POF1B: variants seen among roughly 807,000 people sequenced by gnomAD.
The protein encoded by POF1B is POF1B actin binding protein, also known as protein POF1B.
POF1B carries 53 observed loss-of-function variants against 55.3 expected under a neutral mutation model. The observed-to-expected ratio is 0.96, with a 90% CI of 0.77 to 1.20. POF1B has a LOEUF of 1.20. Ranked by LOEUF, POF1B falls within the 50% of genes most tolerant of loss-of-function variation. The probability of loss-of-function intolerance (pLI) is 0.00; values close to 1 mark genes in which losing one functional copy is unlikely to be tolerated. For missense variants in POF1B, 478 were observed against 420.5 expected, an observed-to-expected ratio of 1.14 and a Z score of -1.20; for synonymous variants, 188 against 148.3, an observed-to-expected ratio of 1.27 and a Z score of -1.95.
rs180798168 is a variant in POF1B at position 85,355,334 on chromosome X, A to T, written c.439-3883T>A. ...AAGAAGGATTAAAGACTTACTTGTT[A>T]GACCTAAAACCATAAAAACCCTAGA... On this transcript the variant is annotated intron_variant, in intron 4 of 16. Transcript: ENST00000262753. 4.2e-4 allele frequency among the ~76,000 whole-genome samples: 47 copies of T among 112,298 alleles called. No individual in the cohort carries two copies. In the East Asian group the frequency reaches 9.5e-3, roughly 23 times the overall value.
intron 5 of POF1B, among the ~76,000 whole-genome samples, chrX:85,347,567 C>A (rs964162809): frequency 9.0e-6 from 1 of 110,816 alleles, no homozygotes; most frequent in Non-Finnish European, 1.9e-5. Flanking sequence ...CACTGTATAC[C>A]TTTTAATGCT....
At chrX:85,360,554 TATATAC>T (rs1933595032) in intron 3 of POF1B, among the ~76,000 whole-genome samples, 1 of 85,060 alleles carries the variant, frequency 1.2e-5, no homozygotes, top group Non-Finnish European at 2.0e-5. Flanking sequence ...TATATATATA[TATATAC>T]ATATATACAC....
intron 2 of POF1B, among the ~76,000 whole-genome samples, chrX:85,371,514 A>G (rs1408330976): frequency 9.0e-6 from 1 of 111,469 alleles, no homozygotes; most frequent in Non-Finnish European, 1.9e-5. Flanking sequence ...TGGAGATTAC[A>G]CAGCTAATGC....
In POF1B at chrX:85,297,372, C is replaced by G. The variant is rs6623256; in HGVS notation, c.1649+6034G>C. 2.6e-4 allele frequency among the ~76,000 whole-genome samples: 29 copies of G among 112,205 alleles called. No homozygotes were observed. The East Asian group carries it at 7.3e-3, about 28-fold the overall frequency. The stretch of plus-strand genomic sequence containing the variant: ...TGTGCTCCTTTGTGTTTTGGATTTG[C>G]TGTAATTTCTATGAGGCTTTTTGTT... On this transcript the variant is annotated intron_variant, in intron 15 of 16. Coordinates refer to ENST00000262753, the MANE Select transcript of POF1B (RefSeq NM_024921.4).
At chrX:85,348,722 A>G (rs950927267) in intron 5 of POF1B, among the ~76,000 whole-genome samples, 1 of 111,567 alleles carries the variant, frequency 9.0e-6, no homozygotes, top group Non-Finnish European at 1.9e-5. Context: ...GTGGGCATAA[A>G]CAAGTAAATA....
intron 6 of POF1B, among the ~76,000 whole-genome samples, chrX:85,331,447 A>T (rs1932977531): frequency 9.0e-6 from 1 of 111,556 alleles, no homozygotes; most frequent in African/African-American, 3.2e-5. Context: ...TTTTAAAATT[A>T]AAAATTAATT....
intron 9 of POF1B, among the ~76,000 whole-genome samples, chrX:85,312,174 G>C (rs1222631471): frequency 8.9e-6 from 1 of 111,835 alleles, no homozygotes; most frequent in East Asian, 2.8e-4. Context: ...AAGCTCTTTA[G>C]TTTAATTAGA....
chrX:85,315,076 G>A (rs191351427), intron 8 of POF1B, among the ~76,000 whole-genome samples: 1 of 111,194 alleles, frequency 9.0e-6, no homozygotes, highest in African/African-American at 3.2e-5. Flanking sequence ...AGGCAATTTA[G>A]GAATTACTGC....
intron 2 of POF1B, among the ~76,000 whole-genome samples, chrX:85,378,687 A>C (rs1002820240): frequency 1.8e-5 from 2 of 111,914 alleles, no homozygotes; most frequent in African/African-American, 3.2e-5. Flanking sequence ...AGACATCTGC[A>C]CCTCTCACTT....
chrX:85,371,114 T>C (rs1205325634), intron 2 of POF1B, among the ~76,000 whole-genome samples: 1 of 111,469 alleles, frequency 9.0e-6, no homozygotes, highest in East Asian at 2.8e-4. Context: ...CCATTTATAC[T>C]ACTAGCCACT....
Position 85,354,017 on chromosome X carries a change from G to C in POF1B, c.439-2566C>G, listed in dbSNP as rs192894844. Among the ~76,000 whole-genome samples, 49 of 110,543 alleles carry C rather than the reference G, an allele frequency of 4.4e-4. 2 individuals are homozygous for C. In the South Asian group the frequency reaches 8.3e-3, roughly 19 times the overall value. Reference sequence around the variant, plus strand: ...TAAAATCAGTGGAAGAAAGTATAATGGGAAAAAAATTATGCAGTCATAAAA... The same window carrying C: ...TAAAATCAGTGGAAGAAAGTATAATCGGAAAAAAATTATGCAGTCATAAAA... On this transcript the variant is annotated intron_variant, in intron 4 of 16. Transcript: ENST00000262753.
intron 14 of POF1B, 44 bp downstream of exon 14, chrX:85,304,299 T>C: frequency 2.7e-6 from 3 of 1,098,497 alleles, no homozygotes; most frequent in Non-Finnish European, 3.6e-6. Flanking sequence ...ACTACAGTAC[T>C]AAGTTGTATT....
intron 7 of POF1B, 46 bp from the exon 8 acceptor site, chrX:85,315,780 C>T (rs41304478): frequency 0.022 from 22,669 of 1,014,455 alleles, 224 homozygotes; most frequent in Non-Finnish European, 0.027. Context: ...AAAAGGTATT[C>T]ACTGATCATA....
chrX:85,283,435 T>A (rs1177925316), intron 15 of POF1B, among the ~76,000 whole-genome samples: 2 of 109,865 alleles, frequency 1.8e-5, no homozygotes, highest in Non-Finnish European at 3.8e-5. Flanking sequence ...ATTAAAAAAA[T>A]TAGGTGGAGT....
rs905881943 is a variant in POF1B at position 85,313,820 on chromosome X, CTTTTT to C, written c.957+607_957+611del. ...CATCTGCTCCTGGGCTTTTTCTTTT[CTTTTT>C]TCTTTTTTTTTGGTTGGTAGGCTAT... On this transcript the variant is annotated intron_variant, in intron 9 of 16. Coordinates refer to ENST00000262753, the MANE Select transcript of POF1B (RefSeq NM_024921.4). Among the ~76,000 whole-genome samples the C allele has an allele frequency of 1.0e-4, 11 of 109,697 alleles. No individual in the cohort carries two copies. In the Admixed American group the frequency reaches 1.1e-3, roughly 11 times the overall value.
chrX:85,326,423 G>A lies in POF1B; in HGVS notation c.854+4526C>T, dbSNP rs1043324380. ...CACAGGCGGCAGCTACTGCTGGGGG[G>A]TGGGGGCGGGTCCACTGGTCTCCCC... On this transcript the variant is annotated intron_variant, in intron 7 of 16. Transcript: ENST00000262753. 6.4e-5 allele frequency among the ~76,000 whole-genome samples: 7 copies of A among 110,206 alleles called. No individual in the cohort carries two copies. The South Asian group carries it at 2.4e-3, about 37-fold the overall frequency.
At chrX:85,307,708 C>T (rs1340471984) in intron 10 of POF1B, among the ~76,000 whole-genome samples, 4 of 110,997 alleles carry the variant, frequency 3.6e-5, no homozygotes, top group African/African-American at 1.3e-4. Flanking sequence ...ACCAAGAACA[C>T]CAATTAAAAT....
chrX:85,334,674 G>A (rs954295064), intron 6 of POF1B, among the ~76,000 whole-genome samples: 1 of 111,027 alleles, frequency 9.0e-6, no homozygotes, highest in Non-Finnish European at 1.9e-5. Flanking sequence ...GGGAAAATCT[G>A]TAGAAAGGAA....
intron 3 of POF1B, among the ~76,000 whole-genome samples, chrX:85,363,001 C>A (rs573672784): frequency 3.6e-5 from 4 of 110,540 alleles, no homozygotes; most frequent in Non-Finnish European, 5.7e-5. Flanking sequence ...AGGAATTCAC[C>A]CATCTCTACT....
Sources: gnomAD v4.1 joint callset for allele counts (sites outside exome capture counted in the v4.1 genomes callset) on GRCh38, gnomAD v4.1.1 for gene constraint, MANE v1.5 for transcripts, NCBI Gene and HGNC (gene_info 2026-07-23, HGNC 2026-07-21) for gene names.